The following SYTL3 variants were observed in gnomAD, a reference collection of about 807,000 sequenced individuals.
SYTL3 encodes synaptotagmin-like protein 3.
A neutral mutation model predicts 82.1 loss-of-function variants in SYTL3; 88 were observed. The ratio of observed to expected loss-of-function variants is 1.07; its 90% CI spans 0.90 to 1.28. The LOEUF (loss-of-function observed/expected upper bound fraction) is 1.28, where lower values mean the gene tolerates loss of function less well. Ranked by LOEUF, SYTL3 falls within the 50% of genes most tolerant of loss-of-function variation. The probability of loss-of-function intolerance (pLI) is 0.00; values close to 1 mark genes in which losing one functional copy is unlikely to be tolerated. For synonymous variants in SYTL3, 311 were observed against 289.4 expected, an observed-to-expected ratio of 1.07 and a Z score of -0.76; for missense variants, 831 against 757.6, an observed-to-expected ratio of 1.10 and a Z score of -1.14.
chr6:158,673,978 G>A (rs982987033), intron 5 of SYTL3, among the ~76,000 whole-genome samples: 6 of 150,802 alleles, frequency 4.0e-5, no homozygotes, highest in East Asian at 2.0e-4. Context: ...CAGCTACTCC[G>A]GAGGCTGAGG....
At chr6:158,743,261 A>G (rs1303172521) in intron 11 of SYTL3, among the ~76,000 whole-genome samples, 1 of 152,212 alleles carries the variant, frequency 6.6e-6, no homozygotes, top group East Asian at 1.9e-4. Context: ...AGTGAAAGGC[A>G]GCTCCGGATG....
chr6:158,722,548 G>T (rs1784232499), intron 10 of SYTL3, among the ~76,000 whole-genome samples: 1 of 152,116 alleles, frequency 6.6e-6, no homozygotes, highest in Non-Finnish European at 1.5e-5. Flanking sequence ...ATCTGGGCCA[G>T]AATTCTTCAA....
intron 6 of SYTL3, among the ~76,000 whole-genome samples, chr6:158,704,857 C>G (rs376252485): frequency 2.1e-4 from 26 of 123,904 alleles, no homozygotes; most frequent in African/African-American, 7.7e-4. Context: ...AGGAGGGACC[C>G]AGGGCAGGGT....
intron 13 of SYTL3, among the ~76,000 whole-genome samples, chr6:158,752,279 T>C (rs865963486): frequency 6.6e-6 from 1 of 152,156 alleles, no homozygotes; most frequent in African/African-American, 2.4e-5. Context: ...TCTGAGAAGA[T>C]GGTGAAAAAG....
chr6:158,763,484 G>A lies in SYTL3; in HGVS notation c.1698G>A (p.Leu566=). 2 of 1,614,218 alleles carry A rather than the reference G, an allele frequency of 1.2e-6. No homozygotes were observed. Among genetic ancestry groups the A allele is most frequent in the Non-Finnish European group, 1.7e-6 (2 of 1,180,028 alleles). Residue 566 remains leucine (L), a synonymous_variant, in exon 17 of 18, where the codon TTG becomes TTA. Transcript: ENST00000611299. ...CCCTCTTTGGAATGAACGACCGCTT[G>A]CTTGGAGGAACCAGACTTGGTTCAA... ...DQALFGMNDR[L]LGGTRLGSKG...
chr6:158,672,380 A>G (rs1303721913), intron 5 of SYTL3, among the ~76,000 whole-genome samples: 3 of 152,176 alleles, frequency 2.0e-5, no homozygotes, highest in Non-Finnish European at 2.9e-5. Context: ...GTCTTCCTTC[A>G]TGAGGAATGA....
At chr6:158,756,508 G>A (rs1354063981) in intron 13 of SYTL3, among the ~76,000 whole-genome samples, 1 of 152,082 alleles carries the variant, frequency 6.6e-6, no homozygotes, top group Non-Finnish European at 1.5e-5. Context: ...TCAGGAGTTC[G>A]AGACCAACCT....
At chr6:158,673,369 G>A (rs1280641233) in intron 5 of SYTL3, among the ~76,000 whole-genome samples, 1 of 151,788 alleles carries the variant, frequency 6.6e-6, no homozygotes, top group African/African-American at 2.4e-5. Flanking sequence ...ACTCAGTCAT[G>A]CTTTCCTCAG....
chr6:158,737,639 AT>A (rs1786366447), intron 11 of SYTL3, among the ~76,000 whole-genome samples: 1 of 152,170 alleles, frequency 6.6e-6, no homozygotes, highest in Non-Finnish European at 1.5e-5. Context: ...CTGGGCCAGA[AT>A]CTTTTGGTTG....
intron 5 of SYTL3, among the ~76,000 whole-genome samples, chr6:158,668,155 C>A (rs921515424): frequency 1.4e-4 from 22 of 152,316 alleles, no homozygotes; most frequent in African/African-American, 4.6e-4. Context: ...GTCCCCCCGG[C>A]CCCCAGGCCT....
chr6:158,733,696 C>T (rs114833028), intron 11 of SYTL3, among the ~76,000 whole-genome samples: 7,230 of 152,122 alleles, frequency 0.048, 587 homozygotes, highest in African/African-American at 0.16. Context: ...TAAAGTCTGG[C>T]TCCAGCCAGT....
At chr6:158,674,789 A>G (rs1317999382) in intron 5 of SYTL3, among the ~76,000 whole-genome samples, 1 of 152,218 alleles carries the variant, frequency 6.6e-6, no homozygotes, top group African/African-American at 2.4e-5. Context: ...GACGACAGAC[A>G]GGGCACAGAC....
chr6:158,719,162 T>C (rs1362695425), intron 10 of SYTL3, among the ~76,000 whole-genome samples: 1 of 152,236 alleles, frequency 6.6e-6, no homozygotes, highest in Non-Finnish European at 1.5e-5. Flanking sequence ...ATCTAAATAT[T>C]TTATCTAAAT....
intron 11 of SYTL3, among the ~76,000 whole-genome samples, chr6:158,728,736 C>T (rs1413900527): frequency 1.3e-5 from 2 of 151,274 alleles, no homozygotes; most frequent in Admixed American, 6.6e-5. Context: ...GTCAGGAGAT[C>T]GAGACCATCC....
intron 5 of SYTL3, among the ~76,000 whole-genome samples, chr6:158,674,885 C>T (rs909062540): frequency 2.0e-5 from 3 of 151,844 alleles, no homozygotes; most frequent in African/African-American, 7.3e-5. Context: ...AAGCAAGTTC[C>T]CACCCCTCCC....
chr6:158,706,805 T>G (rs1374604792), intron 6 of SYTL3, among the ~76,000 whole-genome samples: 1 of 152,068 alleles, frequency 6.6e-6, no homozygotes, highest in African/African-American at 2.4e-5. Flanking sequence ...AAAGATTAAT[T>G]TAATCTTCAT....
intron 6 of SYTL3, among the ~76,000 whole-genome samples, chr6:158,693,677 C>G (rs911075715): frequency 1.1e-4 from 16 of 146,538 alleles, no homozygotes; most frequent in Admixed American, 4.1e-4. Context: ...GCCACTGAAT[C>G]CAGCCTTTCT....
At chr6:158,681,845 C>T (rs150659599) in intron 5 of SYTL3, among the ~76,000 whole-genome samples, 1 of 152,340 alleles carries the variant, frequency 6.6e-6, no homozygotes, top group African/African-American at 2.4e-5. Flanking sequence ...TAACCTACAG[C>T]TGATCTCCCT....
At position 158,661,314 on chromosome 6, in the gene SYTL3, C is replaced by T. The variant is rs1292927234; in HGVS notation, c.-591C>T. 2 of 152,232 alleles carry T rather than the reference C, an allele frequency of 1.3e-5. No homozygotes were observed. Among genetic ancestry groups the T allele is most frequent in the Non-Finnish European group, 2.9e-5 (2 of 68,050 alleles). 9.4% of individuals were successfully genotyped at this position (152,232 alleles called of 1,614,324 possible). ...CTGAGGGATGCCAGTTCTGCCTGTT[C>T]ATCTGGAACCTGGATCTAAGGAGGG... On this transcript the variant is annotated 5_prime_UTR_variant, in exon 3 of 18. Coordinates refer to ENST00000611299, the MANE Select transcript of SYTL3 (RefSeq NM_001242394.2).
Sources: allele counts gnomAD v4.1 joint callset (sites outside exome capture counted in the v4.1 genomes callset), GRCh38; gene constraint gnomAD v4.1.1; transcripts MANE v1.5; gene names NCBI Gene and HGNC (gene_info 2026-07-23, HGNC 2026-07-21).